RAB31: variants seen among roughly 807,000 people sequenced by gnomAD.
RAB31 encodes ras-related protein Rab-31.
RAB31 carries 21 observed loss-of-function variants against 25.6 expected under a neutral mutation model. The observed-to-expected ratio is 0.82, with a 90% CI of 0.58 to 1.18. The LOEUF is 1.18. Among genes scored for constraint, RAB31 ranks in the 50% most tolerant of loss-of-function variants. RAB31 has a pLI of 0.00. For synonymous variants in RAB31, 87 were observed against 84.0 expected (o/e 1.04, Z -0.20); for missense variants, 196 against 250.1 (o/e 0.78, Z 1.46).
intron 5 of RAB31, among the ~76,000 whole-genome samples, chr18:9,827,450 G>C (rs2068655542): frequency 6.6e-6 from 1 of 152,178 alleles, no homozygotes; most frequent in African/African-American, 2.4e-5. Context: ...AGATGGCTCT[G>C]CTGTCACTGG....
chr18:9,765,778 G>A (rs765992242), intron 1 of RAB31, among the ~76,000 whole-genome samples: 4 of 152,138 alleles, frequency 2.6e-5, no homozygotes, highest in Non-Finnish European at 5.9e-5. Flanking sequence ...GAGCTCTCCC[G>A]GGAGTTCACT....
At chr18:9,772,673 C>T (rs371192516) in intron 1 of RAB31, among the ~76,000 whole-genome samples, 1 of 152,170 alleles carries the variant, frequency 6.6e-6, no homozygotes, top group Admixed American at 6.5e-5. Context: ...TAGAAATGAG[C>T]GTGGTCGGTG....
At chr18:9,858,182 A>G (rs2068828805) in intron 6 of RAB31, among the ~76,000 whole-genome samples, 1 of 152,096 alleles carries the variant, frequency 6.6e-6, no homozygotes, top group Non-Finnish European at 1.5e-5. Flanking sequence ...TAATCAAAGC[A>G]CCAGCTGTAC....
At chr18:9,811,880 T>C (rs979410034) in intron 3 of RAB31, among the ~76,000 whole-genome samples, 1 of 152,242 alleles carries the variant, frequency 6.6e-6, no homozygotes, top group East Asian at 1.9e-4. Context: ...TTAATGGCTA[T>C]AGAATATCAT....
chr18:9,740,441 TG>T (rs2068172268), intron 1 of RAB31, among the ~76,000 whole-genome samples: 1 of 152,218 alleles, frequency 6.6e-6, no homozygotes, highest in African/African-American at 2.4e-5. Flanking sequence ...TGGCTGGACG[TG>T]GTGGCTCTCG....
At chr18:9,714,501 C>T (rs914282235) in intron 1 of RAB31, among the ~76,000 whole-genome samples, 4 of 152,202 alleles carry the variant, frequency 2.6e-5, no homozygotes, top group African/African-American at 9.7e-5. Context: ...TGGGTCAGTA[C>T]CGCCCCAGGG....
intron 5 of RAB31, among the ~76,000 whole-genome samples, chr18:9,836,876 T>TTCAGTGTGTGAGGAACGGGGG (rs1322151555): frequency 3.0e-4 from 31 of 103,964 alleles, no homozygotes; most frequent in Non-Finnish European, 5.7e-4. Context: ...AGGCATGGGG[T>TTCAGTGTGTGAGGAACGGGGG]GAAACACAGG....
In RAB31 at chr18:9,848,064, T is replaced by C. The variant is rs538632699; in HGVS notation, c.490+2373T>C. 1.4e-4 allele frequency among the ~76,000 whole-genome samples: 21 copies of C among 152,338 alleles called. No individual in the cohort carries two copies. In the South Asian group the frequency reaches 4.3e-3, roughly 32 times the overall value. On this transcript the variant is annotated intron_variant, in intron 6 of 6. Transcript: ENST00000578921. ...TAAGCCATCAAATACCCATATCACC[T>C]CATCTTTCATGTCACATAAACAATT... is the stretch of plus-strand genomic sequence containing the variant.
chr18:9,831,273 C>G (rs906824193), intron 5 of RAB31, among the ~76,000 whole-genome samples: 2 of 152,186 alleles, frequency 1.3e-5, no homozygotes, highest in Non-Finnish European at 2.9e-5. Context: ...TTTCGTTGCT[C>G]AAACGGTTCC....
intron 1 of RAB31, among the ~76,000 whole-genome samples, chr18:9,736,963 T>C (rs1599018204): frequency 6.6e-6 from 1 of 152,230 alleles, no homozygotes; most frequent in Admixed American, 6.5e-5. Context: ...ATATGTATTA[T>C]CTCTTTCAAA....
chr18:9,759,873 A>G (rs1268075258), intron 1 of RAB31, among the ~76,000 whole-genome samples: 1 of 152,074 alleles, frequency 6.6e-6, no homozygotes, highest in Admixed American at 6.5e-5. Context: ...GCTCTGACAG[A>G]TGATGCATGA....
intron 5 of RAB31, among the ~76,000 whole-genome samples, chr18:9,824,231 T>C (rs972954959): frequency 4.0e-5 from 6 of 151,136 alleles, no homozygotes; most frequent in African/African-American, 1.5e-4. Context: ...TGTGTGTATG[T>C]GTGTGTGTAG....
chr18:9,731,698 C>T (rs1250659723), intron 1 of RAB31, among the ~76,000 whole-genome samples: 4 of 147,148 alleles, frequency 2.7e-5, no homozygotes, highest in Non-Finnish European at 3.0e-5. Flanking sequence ...TCCGGGTTCA[C>T]GATTCTCCTG....
chr18:9,812,630 T>C (rs2068578922), intron 3 of RAB31, among the ~76,000 whole-genome samples: 2 of 152,024 alleles, frequency 1.3e-5, no homozygotes, highest in Non-Finnish European at 2.9e-5. Context: ...TATATCTTTG[T>C]CCATTTTTCT....
chr18:9,813,661 G>A (rs1599050471), intron 3 of RAB31, among the ~76,000 whole-genome samples: 1 of 152,092 alleles, frequency 6.6e-6, no homozygotes, highest in African/African-American at 2.4e-5. Context: ...AGACCAGCCT[G>A]GCCAGCATGG....
chr18:9,793,491 T>C (rs953562629), intron 3 of RAB31, among the ~76,000 whole-genome samples: 30 of 151,932 alleles, frequency 2.0e-4, no homozygotes, highest in South Asian at 4.2e-4. Flanking sequence ...TGAAACCCTG[T>C]CTCTACTAAA....
intron 1 of RAB31, among the ~76,000 whole-genome samples, chr18:9,713,792 G>A (rs1227002937): frequency 1.3e-5 from 2 of 152,174 alleles, no homozygotes; most frequent in East Asian, 3.8e-4. Context: ...AGACCAAGGC[G>A]CTGGCAGATC....
intron 6 of RAB31, among the ~76,000 whole-genome samples, chr18:9,846,180 AC>A (rs2068760995): frequency 6.6e-6 from 1 of 152,254 alleles, no homozygotes; most frequent in African/African-American, 2.4e-5. Flanking sequence ...GTGTACAGGT[AC>A]CCCATGTGTC....
chr18:9,782,441 A>T (rs892031996), intron 2 of RAB31, among the ~76,000 whole-genome samples: 2 of 152,212 alleles, frequency 1.3e-5, no homozygotes, highest in Non-Finnish European at 1.5e-5. Flanking sequence ...TTCAGCATTA[A>T]AAGAGTTAAC....
Sources: gnomAD v4.1 joint callset for allele counts (sites outside exome capture counted in the v4.1 genomes callset) on GRCh38, gnomAD v4.1.1 for gene constraint, MANE v1.5 for transcripts, NCBI Gene and HGNC (gene_info 2026-07-23, HGNC 2026-07-21) for gene names.